TSHZ2: variants seen among roughly 807,000 people sequenced by gnomAD.
The protein encoded by TSHZ2 is teashirt zinc finger homeobox 2.
A neutral mutation model predicts 74.4 loss-of-function variants in TSHZ2; 21 were observed. The observed-to-expected ratio is 0.28, with a 90% CI of 0.20 to 0.41. The LOEUF is 0.41. Among genes scored for constraint, TSHZ2 ranks in the 10% least tolerant of loss-of-function variants. The pLI, the probability that TSHZ2 is intolerant of heterozygous loss-of-function variation, is 1.00. For missense variants in TSHZ2, 1,244 were observed against 1,293.5 expected, an observed-to-expected ratio of 0.96 and a Z score of 0.59; for synonymous variants, 540 against 515.3, an observed-to-expected ratio of 1.05 and a Z score of -0.65.
chr20:53,131,819 A>ACACCC (rs1987108546), intron 1 of TSHZ2, among the ~76,000 whole-genome samples: 2 of 95,404 alleles, frequency 2.1e-5, no homozygotes, highest in Non-Finnish European at 4.2e-5. Context: ...TTGAATGACA[A>ACACCC]CCCCCCCCCC....
At chr20:53,422,401 A>T (rs73913747) in intron 2 of TSHZ2, among the ~76,000 whole-genome samples, 6,981 of 152,224 alleles carry the variant, frequency 0.046, 325 homozygotes, top group African/African-American at 0.12. Context: ...GATGATTCTT[A>T]TCAGATCCAT....
At chr20:53,121,356 T>G (rs1986805835) in intron 1 of TSHZ2, among the ~76,000 whole-genome samples, 1 of 152,178 alleles carries the variant, frequency 6.6e-6, no homozygotes, top group African/African-American at 2.4e-5. Flanking sequence ...TAAAAAAAAG[T>G]AAATGAGGCA....
chr20:53,327,308 G>C (rs73276357), intron 2 of TSHZ2, among the ~76,000 whole-genome samples: 1 of 152,156 alleles, frequency 6.6e-6, no homozygotes, highest in Non-Finnish European at 1.5e-5. Context: ...AACTAATGAC[G>C]TACAGCCATT....
At chr20:53,077,319 G>T (rs1169558072) in intron 1 of TSHZ2, among the ~76,000 whole-genome samples, 1 of 151,758 alleles carries the variant, frequency 6.6e-6, no homozygotes, top group Non-Finnish European at 1.5e-5. Context: ...GCTGAGGCAG[G>T]AGAACCATTT....
intron 1 of TSHZ2, among the ~76,000 whole-genome samples, chr20:53,037,943 T>C (rs1262855497): frequency 1.3e-5 from 2 of 151,894 alleles, no homozygotes; most frequent in South Asian, 4.2e-4. Flanking sequence ...CTTGGTTGGG[T>C]CTCCACATGC....
At chr20:53,120,313 C>A (rs1245815141) in intron 1 of TSHZ2, among the ~76,000 whole-genome samples, 1 of 152,174 alleles carries the variant, frequency 6.6e-6, no homozygotes, top group African/African-American at 2.4e-5. Context: ...CACAGCCACA[C>A]TACAAAGTAT....
At chr20:53,181,364 G>A (rs1193943220) in intron 1 of TSHZ2, among the ~76,000 whole-genome samples, 1 of 152,182 alleles carries the variant, frequency 6.6e-6, no homozygotes, top group Non-Finnish European at 1.5e-5. Flanking sequence ...AATTGCTGCT[G>A]TGTACATATT....
chr20:53,188,085 G>A (rs904137711), intron 1 of TSHZ2, among the ~76,000 whole-genome samples: 1 of 152,184 alleles, frequency 6.6e-6, no homozygotes, highest in Non-Finnish European at 1.5e-5. Flanking sequence ...CAGGCAGTTT[G>A]TCAGGACAAA....
rs2122845279 is a variant in TSHZ2, at chr20:52,972,965, A to G, written c.-329A>G. The G allele has an allele frequency of 3.0e-6, 1 of 336,598 alleles. No individual in the cohort carries two copies. The highest frequency in any genetic ancestry group is 4.8e-5 in the East Asian group (1 of 20,966). 20.9% of individuals were successfully genotyped at this position (336,598 alleles called of 1,614,324 possible). A position where few individuals can be genotyped will look rare whatever the true frequency, so the allele number is the denominator to read the frequency against. On this transcript the variant is annotated 5_prime_UTR_variant, in exon 1 of 3. Coordinates refer to ENST00000371497, the MANE Select transcript of TSHZ2 (RefSeq NM_173485.6). ...AGTCACCAAAAAAAAAAAAAACCGC[A>G]AAAACAAAACCAAAAAAATTCCAAA... is the stretch of plus-strand genomic sequence containing the variant.
chr20:53,345,833 G>A (rs573956445), intron 2 of TSHZ2, among the ~76,000 whole-genome samples: 2 of 151,112 alleles, frequency 1.3e-5, no homozygotes, highest in South Asian at 2.1e-4. Flanking sequence ...GCGTGATCAC[G>A]TGCTGATTTC....
intron 2 of TSHZ2, among the ~76,000 whole-genome samples, chr20:53,360,493 T>C (rs1397007206): frequency 6.6e-6 from 1 of 152,234 alleles, no homozygotes; most frequent in African/African-American, 2.4e-5. Flanking sequence ...CAAGGTCTAC[T>C]CTTGAATTCA....
At chr20:53,240,519 G>A (rs1229423398) in intron 1 of TSHZ2, among the ~76,000 whole-genome samples, 9 of 152,184 alleles carry the variant, frequency 5.9e-5, no homozygotes, top group African/African-American at 2.2e-4. Flanking sequence ...ACCTCCTAAG[G>A]GTCACTCAAA....
chr20:53,397,964 A>C (rs552973170), intron 2 of TSHZ2: 2 of 152,022 alleles, frequency 1.3e-5, no homozygotes, highest in South Asian at 4.2e-4. Context: ...GGAACATCAC[A>C]CAGAGGGGCC....
At chr20:52,994,445 A>ATGGATGG (rs1555812745) in intron 1 of TSHZ2, among the ~76,000 whole-genome samples, 1 of 151,480 alleles carries the variant, frequency 6.6e-6, no homozygotes, top group Non-Finnish European at 1.5e-5. Flanking sequence ...TGAGTGAATG[A>ATGGATGG]ATGGACGGAT....
chr20:53,252,206 C>T (rs1600768200), intron 1 of TSHZ2, among the ~76,000 whole-genome samples: 1 of 152,216 alleles, frequency 6.6e-6, no homozygotes, highest in South Asian at 2.1e-4. Context: ...AGCAAATCCC[C>T]TTCTCTTCTA....
chr20:53,211,257 G>A (rs1989296656), intron 1 of TSHZ2, among the ~76,000 whole-genome samples: 2 of 152,170 alleles, frequency 1.3e-5, no homozygotes, highest in Non-Finnish European at 1.5e-5. Context: ...AGTTTCCCAA[G>A]ATCGGCGTTT....
At chr20:53,252,583 T>C (rs990021689) in intron 1 of TSHZ2, among the ~76,000 whole-genome samples, 1 of 152,232 alleles carries the variant, frequency 6.6e-6, no homozygotes, top group Non-Finnish European at 1.5e-5. Context: ...TCATTTTCCC[T>C]ATGTAATTAC....
chr20:53,212,442 C>A (rs925145627), intron 1 of TSHZ2, among the ~76,000 whole-genome samples: 1 of 152,102 alleles, frequency 6.6e-6, no homozygotes, highest in Admixed American at 6.5e-5. Context: ...TAATTCTTTA[C>A]GGGAACACAG....
chr20:53,245,844 G>A (rs1600764554), intron 1 of TSHZ2, among the ~76,000 whole-genome samples: 1 of 152,142 alleles, frequency 6.6e-6, no homozygotes, highest in African/African-American at 2.4e-5. Context: ...AGGTCAAAGA[G>A]CTGATAGGAG....
Sources: allele counts gnomAD v4.1 joint callset (sites outside exome capture counted in the v4.1 genomes callset), GRCh38; gene constraint gnomAD v4.1.1; transcripts MANE v1.5; gene names NCBI Gene and HGNC (gene_info 2026-07-23, HGNC 2026-07-21).